KAZN: variants seen among roughly 807,000 people sequenced by gnomAD.
KAZN encodes the protein kazrin.
KAZN carries 40 observed loss-of-function variants against 87.4 expected under a neutral mutation model. The observed-to-expected ratio is 0.46, with a 90% CI of 0.36 to 0.60. KAZN has a LOEUF of 0.60. Ranked by LOEUF, KAZN falls within the 20% of genes least tolerant of loss-of-function variation. KAZN has a pLI of 0.00. For missense variants in KAZN, 898 were observed against 1,073.9 expected (o/e 0.84, Z 2.29); for synonymous variants, 466 against 458.3 (o/e 1.02, Z -0.22).
intron 1 of KAZN, among the ~76,000 whole-genome samples, chr1:14,697,407 A>G (rs79033096): frequency 0.058 from 8,868 of 152,320 alleles, 289 homozygotes; most frequent in Middle Eastern, 0.13. Context: ...GGCCACAGCT[A>G]TGTTGAGGAA....
intron 2 of KAZN, among the ~76,000 whole-genome samples, chr1:14,425,763 G>A (rs1665686642): frequency 6.6e-6 from 1 of 152,154 alleles, no homozygotes; most frequent in African/African-American, 2.4e-5. Flanking sequence ...TGGTGAGGGG[G>A]ACATTATTTG....
Position 15,056,343 on chromosome 1 carries a change from C to T in KAZN, c.916+63C>T. ...AGGGGCTTCACAGGAGGCCATCTGA[C>T]CCAGTGGGAGAGGCAGCTGCTTTGT... On this transcript the variant is annotated intron_variant, in intron 5 of 14. Transcript: ENST00000376030. This position sits in a 1 kb window ranked among gnomAD's most constrained non-coding sequence, Gnocchi z 5.4. The T allele has an allele frequency of 6.7e-7, 1 of 1,488,314 alleles. No individual in the cohort carries two copies. Among genetic ancestry groups the T allele is most frequent in the South Asian group, 1.3e-5 (1 of 78,916 alleles). 92.2% of individuals were successfully genotyped at this position (1,488,314 alleles called of 1,614,324 possible).
At chr1:14,101,815 G>A (rs922850036) in intron 1 of KAZN, among the ~76,000 whole-genome samples, 1 of 152,158 alleles carries the variant, frequency 6.6e-6, no homozygotes, top group Non-Finnish European at 1.5e-5. Context: ...TCTTCCTTAT[G>A]ATGTTGTTTA....
intron 1 of KAZN, among the ~76,000 whole-genome samples, chr1:14,836,337 T>C (rs1344296097): frequency 6.6e-6 from 1 of 152,206 alleles, no homozygotes; most frequent in Non-Finnish European, 1.5e-5. Flanking sequence ...CGCACCTCTG[T>C]GTCTCTTACC....
intron 8 of KAZN, among the ~76,000 whole-genome samples, chr1:15,069,879 GT>G (rs1187775983): frequency 1.3e-5 from 2 of 152,120 alleles, no homozygotes; most frequent in Non-Finnish European, 2.9e-5. Context: ...TCCTACCCAC[GT>G]TGCAGGCTAA....
At chr1:14,323,811 T>A (rs139902459) in intron 2 of KAZN, among the ~76,000 whole-genome samples, 1 of 152,188 alleles carries the variant, frequency 6.6e-6, no homozygotes, top group Non-Finnish European at 1.5e-5. Context: ...GCAAAGGAGA[T>A]GATGGCTGTA....
intron 1 of KAZN, among the ~76,000 whole-genome samples, chr1:14,799,882 T>C (rs1645953231): frequency 6.6e-6 from 1 of 152,210 alleles, no homozygotes; most frequent in South Asian, 2.1e-4. Flanking sequence ...CTCCTTGAGT[T>C]CATTTTTATA....
chr1:14,821,460 T>C (rs72638322), intron 1 of KAZN, among the ~76,000 whole-genome samples: 30,751 of 149,308 alleles, frequency 0.21, 3,277 homozygotes, highest in Non-Finnish European at 0.22. Context: ...GAGGTTGCAG[T>C]GAGTGGAGAT....
At chr1:15,041,329 TTC>T (rs1191410798) in intron 3 of KAZN, among the ~76,000 whole-genome samples, 1 of 106,188 alleles carries the variant, frequency 9.4e-6, no homozygotes, top group East Asian at 2.3e-4. Context: ...CGCATTTTTT[TTC>T]TTTTTTTTTT....
chr1:14,471,845 C>G (rs912225371), intron 2 of KAZN, among the ~76,000 whole-genome samples: 1 of 152,210 alleles, frequency 6.6e-6, no homozygotes. Flanking sequence ...AACTGCTTAA[C>G]TTAGGTCTAA....
At chr1:14,999,517 T>TCCCCCCCCCC (rs1557701638) in intron 2 of KAZN, among the ~76,000 whole-genome samples, 6 of 80,990 alleles carry the variant, frequency 7.4e-5, no homozygotes, top group African/African-American at 3.0e-4. Context: ...CGCCCCGCCA[T>TCCCCCCCCCC]CCAGACCTTG....
At chr1:15,020,862 C>T (rs1670596508) in intron 2 of KAZN, among the ~76,000 whole-genome samples, 1 of 152,172 alleles carries the variant, frequency 6.6e-6, no homozygotes, top group Non-Finnish European at 1.5e-5. Flanking sequence ...CCCCACATCA[C>T]TCTAAGGAGC....
At chr1:14,171,168 A>G (rs1645947222) in intron 1 of KAZN, among the ~76,000 whole-genome samples, 1 of 152,228 alleles carries the variant, frequency 6.6e-6, no homozygotes, top group Admixed American at 6.5e-5. Context: ...TGGATATACC[A>G]CATTTTGTTA....
chr1:14,350,675 G>T (rs1658471080), intron 2 of KAZN, among the ~76,000 whole-genome samples: 1 of 152,216 alleles, frequency 6.6e-6, no homozygotes, highest in Non-Finnish European at 1.5e-5. Flanking sequence ...GTGTGGAAGT[G>T]GCAGAGACCT....
At chr1:14,583,035 C>T (rs1232678873) in intron 2 of KAZN, among the ~76,000 whole-genome samples, 1 of 152,230 alleles carries the variant, frequency 6.6e-6, no homozygotes, top group Non-Finnish European at 1.5e-5. Flanking sequence ...TGTTCCATGC[C>T]TGGTGAGCTT....
intron 1 of KAZN, among the ~76,000 whole-genome samples, chr1:13,981,105 A>ATATATG (rs909568389): frequency 2.2e-5 from 3 of 133,494 alleles, no homozygotes; most frequent in African/African-American, 8.4e-5. Context: ...ATATATATAT[A>ATATATG]TATATGTATA....
At position 14,293,885 on chromosome 1, in the gene KAZN, A is replaced by G. The variant is rs957208896; in HGVS notation, c.249+113293A>G. 2.0e-5 allele frequency among the ~76,000 whole-genome samples: 3 copies of G among 152,114 alleles called. No homozygotes were observed. The East Asian group carries it at 5.8e-4, about 29-fold the overall frequency. The stretch of plus-strand genomic sequence containing the variant: ...AAGGCTCTGAGGGGCTGAAGATAGC[A>G]AGTCCATTGTCCACCTCTGCTTTCC... On this transcript the variant is annotated intron_variant, in intron 2 of 16. Coordinates refer to the KAZN transcript ENST00000636203.
At chr1:14,912,087 G>A (rs58658329) in intron 1 of KAZN, among the ~76,000 whole-genome samples, 2,837 of 145,040 alleles carry the variant, frequency 0.02, 91 homozygotes, top group African/African-American at 0.07. Flanking sequence ...GGGAGGCAGA[G>A]GTTGCAGTGA....
chr1:15,037,197 G>C (rs1229808853), intron 3 of KAZN, among the ~76,000 whole-genome samples: 1 of 152,228 alleles, frequency 6.6e-6, no homozygotes, highest in Non-Finnish European at 1.5e-5. Flanking sequence ...CCAGCCCCAT[G>C]CCCAGCAGCA....
Sources: allele counts gnomAD v4.1 joint callset (sites outside exome capture counted in the v4.1 genomes callset), GRCh38; gene constraint gnomAD v4.1.1; non-coding constraint Gnocchi (gnomAD v3.1); transcripts MANE v1.5; gene names NCBI Gene and HGNC (gene_info 2026-07-23, HGNC 2026-07-21).